The following RBFOX1 variants were observed in gnomAD, a reference collection of about 807,000 sequenced individuals.
RBFOX1 encodes RNA binding protein fox-1 homolog 1.
Under a neutral mutation model 57.7 loss-of-function variants are expected in RBFOX1, and 8 were observed. The ratio of observed to expected loss-of-function variants is 0.14; its 90% CI spans 0.08 to 0.25. RBFOX1 has a LOEUF of 0.25. Among genes scored for constraint, RBFOX1 ranks in the 10% least tolerant of loss-of-function variants. The probability of loss-of-function intolerance (pLI) is 1.00; values close to 1 mark genes in which losing one functional copy is unlikely to be tolerated. For synonymous variants in RBFOX1, 326 were observed against 222.4 expected (o/e 1.47, Z -4.15); for missense variants, 611 against 548.5 (o/e 1.11, Z -1.14).
At chr16:5,703,666 T>G (rs572542944) in intron 3 of RBFOX1, among the ~76,000 whole-genome samples, 1 of 152,314 alleles carries the variant, frequency 6.6e-6, no homozygotes, top group East Asian at 1.9e-4. Context: ...TACTTAACTC[T>G]CTGAGCCCAG....
chr16:7,481,684 T>C (rs1465450929), intron 4 of RBFOX1, among the ~76,000 whole-genome samples: 4 of 152,208 alleles, frequency 2.6e-5, no homozygotes, highest in Non-Finnish European at 5.9e-5. Context: ...GCTTTGAGTA[T>C]GACATGAACT....
chr16:6,412,686 A>G (rs1304023437), intron 2 of RBFOX1, among the ~76,000 whole-genome samples: 1 of 152,214 alleles, frequency 6.6e-6, no homozygotes, highest in Non-Finnish European at 1.5e-5. Flanking sequence ...TTAGAAGAAA[A>G]TGTTGGTCAC....
intron 3 of RBFOX1, among the ~76,000 whole-genome samples, chr16:5,617,663 T>C (rs2048077371): frequency 6.6e-6 from 1 of 152,238 alleles, no homozygotes; most frequent in African/African-American, 2.4e-5. Context: ...AAATGAGTTG[T>C]TTCTGAGGAC....
At chr16:6,762,223 T>A (rs1258618833) in intron 3 of RBFOX1, among the ~76,000 whole-genome samples, 1 of 152,166 alleles carries the variant, frequency 6.6e-6, no homozygotes. Flanking sequence ...ACTAAATAAT[T>A]GCAAATAATC....
rs1600691087 is a variant in RBFOX1, at chr16:7,518,452, G to A, written c.270+63G>A. On this transcript the variant is annotated intron_variant, in intron 5 of 15. Coordinates refer to ENST00000550418, the MANE Select transcript of RBFOX1 (RefSeq NM_018723.4). ...GGAGGCGCCCCCAGCCCTGGTAATG[G>A]CAGCGGGGGTGCACCCCCATCTACC... The A allele has an allele frequency of 4.6e-6, 7 of 1,537,906 alleles. No individual in the cohort carries two copies. The East Asian group carries it at 1.4e-4, about 30-fold the overall frequency.
intron 4 of RBFOX1, among the ~76,000 whole-genome samples, chr16:7,070,415 G>C (rs2057089471): frequency 6.6e-6 from 1 of 152,158 alleles, no homozygotes. Context: ...CATATACCGA[G>C]TATTCTGATA....
chr16:5,881,198 C>A (rs934721789), intron 4 of RBFOX1, among the ~76,000 whole-genome samples: 10 of 152,178 alleles, frequency 6.6e-5, no homozygotes, highest in Non-Finnish European at 1.5e-4. Flanking sequence ...CATCTTGGCC[C>A]TGAACTGTCT....
chr16:5,373,956 C>T (rs1035952405), intron 1 of RBFOX1, among the ~76,000 whole-genome samples: 1 of 152,222 alleles, frequency 6.6e-6, no homozygotes, highest in African/African-American at 2.4e-5. Context: ...TTACTCTTGT[C>T]ACCCAGGCCA....
intron 4 of RBFOX1, among the ~76,000 whole-genome samples, chr16:7,207,944 G>T (rs963836916): frequency 2.6e-5 from 4 of 152,162 alleles, no homozygotes; most frequent in African/African-American, 9.7e-5. Flanking sequence ...TCTTAGTCCT[G>T]GGGAAGCTTC....
At chr16:5,738,547 T>C (rs1263669286) in intron 3 of RBFOX1, among the ~76,000 whole-genome samples, 1 of 144,090 alleles carries the variant, frequency 6.9e-6, no homozygotes, top group African/African-American at 2.6e-5. Flanking sequence ...GACAGGAGAA[T>C]CGCTTGAATC....
At chr16:7,452,957 C>T (rs2057675660) in intron 4 of RBFOX1, among the ~76,000 whole-genome samples, 1 of 151,834 alleles carries the variant, frequency 6.6e-6, no homozygotes, top group African/African-American at 2.4e-5. Flanking sequence ...GGTGAAAAAC[C>T]ATCTCCACTA....
chr16:6,044,506 T>A (rs931407894), intron 1 of RBFOX1, among the ~76,000 whole-genome samples: 21 of 139,326 alleles, frequency 1.5e-4, no homozygotes, highest in Admixed American at 3.6e-4. Flanking sequence ...AAAAAAAAAA[T>A]TCAAACAATT....
intron 2 of RBFOX1, among the ~76,000 whole-genome samples, chr16:6,434,010 G>A (rs2094169267): frequency 6.6e-6 from 1 of 151,860 alleles, no homozygotes; most frequent in Non-Finnish European, 1.5e-5. Context: ...ACCAAACCTG[G>A]CTAATTTATG....
intron 3 of RBFOX1, among the ~76,000 whole-genome samples, chr16:5,773,044 G>C (rs1002185108): frequency 6.6e-6 from 1 of 152,014 alleles, no homozygotes; most frequent in East Asian, 1.9e-4. Flanking sequence ...ATGAAGTTGC[G>C]GAGGGGCAGG....
At chr16:5,883,469 T>G (rs2057816488) in intron 4 of RBFOX1, among the ~76,000 whole-genome samples, 1 of 152,156 alleles carries the variant, frequency 6.6e-6, no homozygotes, top group Non-Finnish European at 1.5e-5. Flanking sequence ...CATCTTACCA[T>G]ATTGGTAAGT....
intron 4 of RBFOX1, among the ~76,000 whole-genome samples, chr16:7,136,263 A>G (rs1318233414): frequency 6.6e-6 from 1 of 152,166 alleles, no homozygotes; most frequent in Non-Finnish European, 1.5e-5. Flanking sequence ...AATGTAAATT[A>G]ATTAAAGTTT....
intron 4 of RBFOX1, among the ~76,000 whole-genome samples, chr16:7,462,526 G>A (rs770320823): frequency 2.6e-5 from 4 of 152,218 alleles, no homozygotes; most frequent in Non-Finnish European, 4.4e-5. Flanking sequence ...AACCCGCCAT[G>A]TATTATCTCA....
intron 3 of RBFOX1, among the ~76,000 whole-genome samples, chr16:7,029,753 C>A (rs1276368171): frequency 1.3e-5 from 2 of 152,156 alleles, no homozygotes; most frequent in Non-Finnish European, 2.9e-5. Context: ...TAATGGTTCA[C>A]TTGTTCAATG....
At chr16:6,843,869 C>A (rs937796322) in intron 3 of RBFOX1, among the ~76,000 whole-genome samples, 2 of 152,146 alleles carry the variant, frequency 1.3e-5, no homozygotes, top group Admixed American at 1.3e-4. Context: ...TCAATATCTT[C>A]ATATCCCCTG....
Sources: gnomAD v4.1 joint callset for allele counts (sites outside exome capture counted in the v4.1 genomes callset) on GRCh38, gnomAD v4.1.1 for gene constraint, MANE v1.5 for transcripts, NCBI Gene and HGNC (gene_info 2026-07-23, HGNC 2026-07-21) for gene names.